Variants in NCKAP5 observed in about 807,000 individuals in gnomAD.
The protein encoded by NCKAP5 is NCK associated protein 5.
A neutral mutation model predicts 167.0 loss-of-function variants in NCKAP5; 92 were observed. That is an observed-to-expected ratio of 0.55 (90% CI 0.47 to 0.66). The LOEUF is 0.66. Ranked by LOEUF, NCKAP5 falls within the 30% of genes least tolerant of loss-of-function variation. The pLI, the probability that NCKAP5 is intolerant of heterozygous loss-of-function variation, is 0.00. For synonymous variants in NCKAP5, 891 were observed against 877.4 expected, an observed-to-expected ratio of 1.02 and a Z score of -0.27; for missense variants, 2,378 against 2,315.0, an observed-to-expected ratio of 1.03 and a Z score of -0.56.
intron 6 of NCKAP5, chr2:133,118,836 A>G (rs2082165024): frequency 6.6e-6 from 1 of 152,124 alleles, no homozygotes; most frequent in African/African-American, 2.4e-5. Flanking sequence ...ATGGTGGTCT[A>G]TGTATTTGGA....
chr2:132,745,526 C>T (rs1212213091), intron 16 of NCKAP5, among the ~76,000 whole-genome samples: 1 of 151,846 alleles, frequency 6.6e-6, no homozygotes, highest in African/African-American at 2.4e-5. Flanking sequence ...TGTTCCCCCA[C>T]TAAGACTGAG....
intron 2 of NCKAP5, among the ~76,000 whole-genome samples, chr2:133,522,404 A>G (rs1461699286): frequency 6.6e-6 from 1 of 152,124 alleles, no homozygotes; most frequent in Non-Finnish European, 1.5e-5. Context: ...TGTGCACCCC[A>G]TGGAGATGCC....
At chr2:133,600,137 A>G in the NCKAP5 span, among the ~76,000 whole-genome samples, 4 of 152,356 alleles carry the variant, frequency 2.6e-5, no homozygotes, top group East Asian at 1.9e-4. Context: ...AGAAAGGCCA[A>G]CTTGAAAAAG....
the NCKAP5 span, among the ~76,000 whole-genome samples, chr2:133,651,200 A>C: frequency 4.9e-4 from 75 of 152,346 alleles, no homozygotes; most frequent in African/African-American, 1.8e-3. Flanking sequence ...CAATCAACAG[A>C]GTGAAAGGTA....
the NCKAP5 span, among the ~76,000 whole-genome samples, chr2:133,607,400 A>T: frequency 6.6e-6 from 1 of 152,116 alleles, no homozygotes; most frequent in African/African-American, 2.4e-5. Flanking sequence ...TCTTCAGTCT[A>T]GTATGCGTCC....
chr2:133,652,192 C>T, the NCKAP5 span, among the ~76,000 whole-genome samples: 1 of 152,106 alleles, frequency 6.6e-6, no homozygotes, highest in Non-Finnish European at 1.5e-5. Context: ...GAGATTCACT[C>T]ATGTAATTCC....
At chr2:133,008,837 T>C (rs1222150616) in intron 6 of NCKAP5, among the ~76,000 whole-genome samples, 2 of 152,192 alleles carry the variant, frequency 1.3e-5, no homozygotes, top group East Asian at 3.8e-4. Context: ...TAATTTACAC[T>C]GGGGTCTCAT....
intron 3 of NCKAP5, among the ~76,000 whole-genome samples, chr2:133,384,623 T>A (rs1284404736): frequency 1.3e-5 from 2 of 152,224 alleles, no homozygotes; most frequent in Non-Finnish European, 2.9e-5. Context: ...GGGGATGGCA[T>A]TGAATCTATA....
At chr2:133,584,616 T>C in the NCKAP5 span, among the ~76,000 whole-genome samples, 1 of 151,934 alleles carries the variant, frequency 6.6e-6, no homozygotes, top group African/African-American at 2.4e-5. Flanking sequence ...ATACAAAAAT[T>C]AGCTGGGCAT....
At chr2:133,436,472 A>G (rs1278997592) in intron 3 of NCKAP5, among the ~76,000 whole-genome samples, 1 of 152,128 alleles carries the variant, frequency 6.6e-6, no homozygotes. Context: ...TCACTTGTCC[A>G]CTCTGCCTAA....
intron 6 of NCKAP5, among the ~76,000 whole-genome samples, chr2:133,055,797 C>A (rs13386263): frequency 0.075 from 11,440 of 152,136 alleles, 570 homozygotes; most frequent in East Asian, 0.19. Flanking sequence ...GGCACCTGTC[C>A]TTTTGGTGAG....
intron 19 of NCKAP5, among the ~76,000 whole-genome samples, chr2:132,688,562 A>G (rs1686268894): frequency 6.6e-6 from 1 of 152,196 alleles, no homozygotes; most frequent in Non-Finnish European, 1.5e-5. Context: ...AGAACATGTA[A>G]AAGCAAGGGA....
At chr2:132,885,962 A>G (rs1558900673) in intron 8 of NCKAP5, among the ~76,000 whole-genome samples, 1 of 152,028 alleles carries the variant, frequency 6.6e-6, no homozygotes, top group Non-Finnish European at 1.5e-5. Flanking sequence ...ATGACCTTAT[A>G]TATCTGATTC....
intron 1 of NCKAP5, among the ~76,000 whole-genome samples, chr2:133,561,179 T>C (rs1688129423): frequency 6.6e-6 from 1 of 152,242 alleles, no homozygotes; most frequent in Non-Finnish European, 1.5e-5. Context: ...CAAGAGCTTC[T>C]TTAACAGGGT....
At chr2:133,366,428 G>T (rs747285241) in intron 3 of NCKAP5, among the ~76,000 whole-genome samples, 1 of 151,954 alleles carries the variant, frequency 6.6e-6, no homozygotes, top group African/African-American at 2.4e-5. Flanking sequence ...TCAACCTCCC[G>T]AGTAGCTGGG....
intron 16 of NCKAP5, among the ~76,000 whole-genome samples, chr2:132,773,577 A>AAC (rs1682279656): frequency 6.6e-6 from 1 of 152,248 alleles, no homozygotes; most frequent in Admixed American, 6.5e-5. Context: ...ATTGACAAAT[A>AAC]CTTCTCATCA....
At chr2:133,403,732 A>C (rs1688245065) in intron 3 of NCKAP5, among the ~76,000 whole-genome samples, 1 of 152,218 alleles carries the variant, frequency 6.6e-6, no homozygotes, top group South Asian at 2.1e-4. Flanking sequence ...GTGATGCTCC[A>C]AGTCCCATCT....
rs1451946493 is a variant in NCKAP5, at chr2:133,091,643, T to C, written c.341+38335A>G. 5.3e-5 allele frequency among the ~76,000 whole-genome samples: 8 copies of C among 152,288 alleles called. No homozygotes were observed. In the East Asian group the frequency reaches 1.4e-3, roughly 26 times the overall value. On this transcript the variant is annotated intron_variant, in intron 6 of 19. Coordinates refer to ENST00000409261, the MANE Select transcript of NCKAP5 (RefSeq NM_207363.3). Reference sequence around the variant, plus strand: ...TGGCTCCCGCCTGTAATCCCAGCACTTTGGGAGGCCGAGGTGGGCAGACCA... The same window carrying C: ...TGGCTCCCGCCTGTAATCCCAGCACCTTGGGAGGCCGAGGTGGGCAGACCA...
intron 3 of NCKAP5, among the ~76,000 whole-genome samples, chr2:133,319,838 A>G (rs1681903490): frequency 6.6e-6 from 1 of 152,218 alleles, no homozygotes; most frequent in African/African-American, 2.4e-5. Flanking sequence ...CAAATGCTAT[A>G]TAATTAGTTA....
Sources: gnomAD v4.1 joint callset for allele counts (sites outside exome capture counted in the v4.1 genomes callset) on GRCh38, gnomAD v4.1.1 for gene constraint, MANE v1.5 for transcripts, NCBI Gene and HGNC (gene_info 2026-07-23, HGNC 2026-07-21) for gene names.